The following NSD1 variants were observed in gnomAD, a reference collection of about 807,000 sequenced individuals.
The protein encoded by NSD1 is histone-lysine N-methyltransferase, H3 lysine-36 specific.
In NSD1, 26 loss-of-function variants were observed where a neutral mutation model predicts 242.7. That is an observed-to-expected ratio of 0.11 (90% confidence interval 0.08 to 0.15). The LOEUF (loss-of-function observed/expected upper bound fraction) is 0.15, where lower values mean the gene tolerates loss of function less well. NSD1 is among the 10% of genes least tolerant of loss of function. NSD1 has a pLI of 1.00. For synonymous variants in NSD1, 1,106 were observed against 1,178.1 expected (o/e 0.94, Z 1.25); for missense variants, 2,495 against 3,272.8 (o/e 0.76, Z 5.80).
intron 4 of NSD1, among the ~76,000 whole-genome samples, chr5:177,208,240 G>A (rs536901057): frequency 5.1e-4 from 77 of 152,142 alleles, no homozygotes; most frequent in Non-Finnish European, 8.4e-4. Flanking sequence ...ATGCTGTGAG[G>A]TATCCAGAAA....
chr5:177,297,948 A>C lies in NSD1; in HGVS notation c.*2489A>C, dbSNP rs1454371701. On this transcript the variant is annotated 3_prime_UTR_variant, in exon 23 of 23. Transcript: ENST00000439151. ...AGCAGTTCTTCATCTGAATGGATGG[A>C]CATCTGGGCTTCCTTCAAGGGCCAT... 8.6e-6 allele frequency: 2 copies of C among 233,140 alleles called. No homozygotes were observed. Among genetic ancestry groups the C allele is most frequent in the Non-Finnish European group, 1.7e-5 (2 of 118,046 alleles). 14.4% of individuals were successfully genotyped at this position (233,140 alleles called of 1,614,324 possible). A position where few individuals can be genotyped will look rare whatever the true frequency, so the allele number is the denominator to read the frequency against.
At chr5:177,157,063 T>C (rs1054072456) in intron 2 of NSD1, among the ~76,000 whole-genome samples, 4 of 152,178 alleles carry the variant, frequency 2.6e-5, no homozygotes, top group Non-Finnish European at 2.9e-5. Flanking sequence ...GTATACTAAT[T>C]GCATTTTAAA....
At chr5:177,139,913 C>T (rs1756668369) in intron 2 of NSD1, among the ~76,000 whole-genome samples, 1 of 147,804 alleles carries the variant, frequency 6.8e-6, no homozygotes. Flanking sequence ...CACTGCATTC[C>T]AGCCTAGGCA....
At chr5:177,189,267 A>G (rs1216021749) in intron 2 of NSD1, among the ~76,000 whole-genome samples, 3 of 152,144 alleles carry the variant, frequency 2.0e-5, no homozygotes, top group African/African-American at 7.2e-5. Context: ...TGAAGGTGAC[A>G]CAGTTTGTGA....
intron 3 of NSD1, among the ~76,000 whole-genome samples, chr5:177,198,214 C>T (rs944064386): frequency 6.6e-6 from 1 of 152,072 alleles, no homozygotes; most frequent in Admixed American, 6.6e-5. Context: ...TTTGTAGAGA[C>T]AAGATCTCCC....
intron 4 of NSD1, among the ~76,000 whole-genome samples, chr5:177,205,522 T>A (rs1402719449): frequency 6.6e-6 from 1 of 151,560 alleles, no homozygotes; most frequent in African/African-American, 2.4e-5. Flanking sequence ...CAGTTTTTTT[T>A]ATTGTGTTAA....
intron 12 of NSD1, 87 bp from the exon 13 acceptor site, chr5:177,256,864 A>G: frequency 1.8e-6 from 2 of 1,118,442 alleles, no homozygotes; most frequent in East Asian, 2.4e-5. Flanking sequence ...AGTCCATTAT[A>G]AAATTTCTTA....
At chr5:177,252,619 A>G (rs1444684325) in intron 12 of NSD1, among the ~76,000 whole-genome samples, 2 of 131,572 alleles carry the variant, frequency 1.5e-5, no homozygotes, top group African/African-American at 5.9e-5. Context: ...TGGCGTGATC[A>G]TAGCTCATTG....
intron 2 of NSD1, among the ~76,000 whole-genome samples, chr5:177,158,249 C>A (rs1045944608): frequency 9.9e-4 from 76 of 76,956 alleles, no homozygotes; most frequent in African/African-American, 1.8e-3. Flanking sequence ...TTCTTTCTTT[C>A]TTTCTTTCTT....
rs377302741 is a variant in NSD1, at chr5:177,135,161, G to A, written c.58G>A (p.Val20Met). 5 of 1,614,190 alleles carry A rather than the reference G, an allele frequency of 3.1e-6. No individual in the cohort carries two copies. In the East Asian group the frequency reaches 1.1e-4, roughly 36 times the overall value. ...TTGTCTGCTGCCCTTTTCCAATCCA[G>A]TGAATTTAGATGCCCCTGAAGACAA... ...RNCLLPFSNP[V>M]NLDAPEDKDS... The change falls in exon 2 of 23, where the codon GTG (valine) becomes ATG (methionine). Residue 20 changes from valine (V) to methionine (M), a missense_variant. Transcript: ENST00000439151.
intron 18 of NSD1, among the ~76,000 whole-genome samples, chr5:177,282,037 A>C (rs1758934226): frequency 6.6e-6 from 1 of 152,198 alleles, no homozygotes; most frequent in Admixed American, 6.5e-5. Context: ...CACGTGTGAA[A>C]AGCCAGAGTG....
At chr5:177,153,083 TAGGGC>T (rs1757856188) in intron 2 of NSD1, among the ~76,000 whole-genome samples, 1 of 152,166 alleles carries the variant, frequency 6.6e-6, no homozygotes, top group South Asian at 2.1e-4. Context: ...GCAGAAGTGT[TAGGGC>T]AGGTCATTAA....
intron 2 of NSD1, among the ~76,000 whole-genome samples, chr5:177,165,590 A>G (rs562473382): frequency 6.6e-6 from 1 of 151,512 alleles, no homozygotes; most frequent in African/African-American, 2.4e-5. Flanking sequence ...GCTCTTTGAC[A>G]TTCTTTTTCT....
chr5:177,228,973 T>A (rs530100090), intron 5 of NSD1, among the ~76,000 whole-genome samples: 1 of 152,320 alleles, frequency 6.6e-6, no homozygotes, highest in Non-Finnish European at 1.5e-5. Flanking sequence ...AACCAATAGT[T>A]GACTGTCTCT....
rs1193769515 is a variant in NSD1, at chr5:177,294,586, T to C, written c.7218T>C (p.Pro2406=). The part of the protein sequence containing the change: ...SSPKPQTSDR[P]TDKPHASLSQ... ...CCAAACCCCAGACTTCAGACAGGCC[T>C]ACTGACAAACCCCATGCCTCTTTGT... The change falls in exon 23 of 23, where the codon CCT becomes CCC. Residue 2406 remains proline, a synonymous_variant. Coordinates refer to ENST00000439151, the MANE Select transcript of NSD1 (RefSeq NM_022455.5). 7 of 1,614,100 alleles carry C rather than the reference T, an allele frequency of 4.3e-6. No homozygotes were observed. In the Admixed American group the frequency reaches 1.0e-4, roughly 23 times the overall value.
At chr5:177,239,048 A>G (rs917875875) in intron 7 of NSD1, among the ~76,000 whole-genome samples, 2 of 152,224 alleles carry the variant, frequency 1.3e-5, no homozygotes, top group African/African-American at 4.8e-5. Flanking sequence ...GGATCTAAAC[A>G]TATTGTCTCT....
At position 177,211,722 on chromosome 5, in the gene NSD1, T is replaced by G. The variant is rs779656661; in HGVS notation, c.3323T>G (p.Val1108Gly). 10 of 1,613,980 alleles carry G rather than the reference T, an allele frequency of 6.2e-6. No individual in the cohort carries two copies. In the African/African-American group the frequency reaches 6.7e-5, roughly 11 times the overall value. ...TSEDGDHFSDVHFDSKVKQSD... is the reference protein window; with the variant it reads ...TSEDGDHFSDGHFDSKVKQSD... ...GAAGATGGTGACCATTTTTCTGATG[T>G]GCATTTCGATAGCAAGGTTAAGCAA... The change falls in exon 5 of 23, where the codon GTG (valine) becomes GGG (glycine). Residue 1108 changes from valine (V) to glycine (G), a missense_variant. Around this residue, in one of 19 missense-constraint regions of NSD1, gnomAD observed 426 missense variants for 411.4 expected, o/e 1.04. Transcript: ENST00000439151.
Position 177,294,030 on chromosome 5 carries a change from A to C in NSD1, c.6662A>C (p.Tyr2221Ser). ...CTGGAACCTGGGGAGATCCGTGAGT[A>C]TGTGCCTCCCCCAGTACCGCTGCCT... is the stretch of plus-strand genomic sequence containing the variant. ...NPLEPGEIRE[Y>S]VPPPVPLPPG... is the part of the protein sequence containing the mutation. Residue 2221 changes from tyrosine (Y) to serine (S), a missense_variant, in exon 23 of 23, where the codon TAT becomes TCT. This residue lies in a region of NSD1 where 33 missense variants were observed against 134.8 expected (regional missense o/e 0.24). Coordinates refer to ENST00000439151, the MANE Select transcript of NSD1 (RefSeq NM_022455.5). The C allele has an allele frequency of 6.2e-7, 1 of 1,614,084 alleles. No homozygotes were observed. Among genetic ancestry groups the C allele is most frequent in the Non-Finnish European group, 8.5e-7 (1 of 1,180,020 alleles).
intron 2 of NSD1, among the ~76,000 whole-genome samples, chr5:177,189,076 AC>A (rs1208820870): frequency 6.6e-6 from 1 of 151,950 alleles, no homozygotes; most frequent in Non-Finnish European, 1.5e-5. Context: ...CCAAACAAAA[AC>A]CTGCTTTAAA....
Sources: gnomAD v4.1 joint callset for allele counts (sites outside exome capture counted in the v4.1 genomes callset) on GRCh38, gnomAD v4.1.1 for gene constraint, gnomAD v4.1.1 regional missense constraint, MANE v1.5 for transcripts, NCBI Gene and HGNC (gene_info 2026-07-23, HGNC 2026-07-21) for gene names.